The following SEPSECS variants were observed in gnomAD, a reference collection of about 807,000 sequenced individuals.
The protein encoded by SEPSECS is Sep (O-phosphoserine) tRNA:Sec (selenocysteine) tRNA synthase, also known as O-phosphoseryl-tRNA(Sec) selenium transferase.
Under a neutral mutation model 52.1 loss-of-function variants are expected in SEPSECS, and 42 were observed. The ratio of observed to expected loss-of-function variants is 0.81; its 90% CI spans 0.63 to 1.04. The LOEUF (loss-of-function observed/expected upper bound fraction) is 1.04, where lower values mean the gene tolerates loss of function less well. Ranked by LOEUF, SEPSECS falls within the 50% of genes least tolerant of loss-of-function variation. The pLI, the probability that SEPSECS is intolerant of heterozygous loss-of-function variation, is 0.00. For synonymous variants in SEPSECS, 216 were observed against 211.4 expected (o/e 1.02, Z -0.19); for missense variants, 590 against 610.6 (o/e 0.97, Z 0.36).
intron 10 of SEPSECS, chr4:25,125,473 A>T: frequency 3.6e-6 from 2 of 556,312 alleles, no homozygotes; most frequent in Non-Finnish European, 6.4e-6. Context: ...CTATGAAAAC[A>T]AACAAGATTC....
chr4:25,137,769 T>C (rs1321251908), intron 8 of SEPSECS, among the ~76,000 whole-genome samples: 3 of 152,210 alleles, frequency 2.0e-5, no homozygotes, highest in African/African-American at 7.2e-5. Context: ...TGCACATGTA[T>C]GTTCAATGCA....
At chr4:25,147,112 T>A (rs1397379012) in intron 6 of SEPSECS, among the ~76,000 whole-genome samples, 1 of 152,258 alleles carries the variant, frequency 6.6e-6, no homozygotes, top group Non-Finnish European at 1.5e-5. Flanking sequence ...GAGTCTTGGC[T>A]GTTAGCTTCT....
chr4:25,125,461 A>G (rs1282145825), intron 10 of SEPSECS: 1 of 540,100 alleles, frequency 1.9e-6, no homozygotes, highest in Non-Finnish European at 3.3e-6. Context: ...GGTTCTGTAC[A>G]TCTATGAAAA....
intron 5 of SEPSECS, among the ~76,000 whole-genome samples, chr4:25,153,437 TA>T (rs1212427896): frequency 0.013 from 1,886 of 146,100 alleles, 18 homozygotes; most frequent in Middle Eastern, 0.021. Context: ...TAGGGTGTGT[TA>T]AAAAAAAAAA....
chr4:25,124,175 C>CCTCATATA lies in SEPSECS; in HGVS notation c.1261_1262insTATATGAG (p.Gly421ValfsTer25). On this transcript the variant is annotated frameshift_variant, in exon 11 of 11. Coordinates refer to ENST00000382103, the MANE Select transcript of SEPSECS (RefSeq NM_016955.4). LOFTEE classifies it high-confidence loss of function. ...GTAATTATTTGTATGTGACATAAAG[C>CCTCATATA]CTCTGAAAGTATAGCCACTCACAGT... 1 of 1,613,586 alleles carries CCTCATATA rather than the reference C, an allele frequency of 6.2e-7. No homozygotes were observed. The highest frequency in any genetic ancestry group is 8.5e-7 in the Non-Finnish European group (1 of 1,179,690).
intron 6 of SEPSECS, among the ~76,000 whole-genome samples, chr4:25,147,498 C>T (rs1712034201): frequency 6.6e-6 from 1 of 152,198 alleles, no homozygotes; most frequent in Admixed American, 6.5e-5. Context: ...GTTGCTGCTT[C>T]CCACACTTTT....
Position 25,160,288 on chromosome 4 carries a change from G to T in SEPSECS, c.82C>A (p.His28Asn). Residue 28 changes from histidine to asparagine, a missense_variant, in exon 1 of 11, where the codon CAT becomes AAT. His to Asn is a moderately conservative substitution (Grantham distance 68, BLOSUM62 1). Coordinates refer to ENST00000382103, the MANE Select transcript of SEPSECS (RefSeq NM_016955.4). ...VRQGCEARRS[H>N]EHLIRLLLEK... ...AGAAGCAGCCGTATGAGGTGCTCAT[G>T]CGAGCGGCGGGCCTCACAGCCCTGC... 3 of 1,554,470 alleles carry T rather than the reference G, an allele frequency of 1.9e-6. No individual in the cohort carries two copies. Among genetic ancestry groups the T allele is most frequent in the Non-Finnish European group, 2.6e-6 (3 of 1,148,434 alleles).
intron 8 of SEPSECS, among the ~76,000 whole-genome samples, chr4:25,141,613 G>C (rs1415092250): frequency 6.6e-6 from 1 of 151,988 alleles, no homozygotes; most frequent in Non-Finnish European, 1.5e-5. Context: ...ACTATAGAAG[G>C]CTCCTAACAG....
chr4:25,140,554 T>G (rs2109017355), intron 8 of SEPSECS, among the ~76,000 whole-genome samples: 1 of 152,304 alleles, frequency 6.6e-6, no homozygotes, highest in South Asian at 2.1e-4. Context: ...CCTATGAAAA[T>G]GAGGATAACA....
chr4:25,156,532 C>T (rs948710333), intron 3 of SEPSECS, among the ~76,000 whole-genome samples: 13 of 151,074 alleles, frequency 8.6e-5, no homozygotes, highest in East Asian at 5.8e-4. Flanking sequence ...GTGAGACCCC[C>T]GTCTCTACTA....
At chr4:25,134,154 G>A (rs1291899737) in intron 8 of SEPSECS, among the ~76,000 whole-genome samples, 3 of 136,632 alleles carry the variant, frequency 2.2e-5, no homozygotes, top group Non-Finnish European at 3.1e-5. Context: ...AAAAAAAAGT[G>A]CATAGAATTC....
At chr4:25,125,381 G>T in intron 10 of SEPSECS, 1 of 279,664 alleles carries the variant, frequency 3.6e-6, no homozygotes, top group South Asian at 5.9e-5. Context: ...ATACCATAAT[G>T]TGACTTGCTG....
intron 8 of SEPSECS, among the ~76,000 whole-genome samples, chr4:25,128,445 AAAAACAAAAACAAAAAC>A (rs1438983752): frequency 6.6e-6 from 1 of 151,968 alleles, no homozygotes; most frequent in Non-Finnish European, 1.5e-5. Flanking sequence ...AAACAAAAAC[AAAAACAAAAACAAAAAC>A]AAAACAAAAA....
intron 2 of SEPSECS, among the ~76,000 whole-genome samples, chr4:25,157,773 C>T (rs1429136170): frequency 6.9e-6 from 1 of 144,894 alleles, no homozygotes; most frequent in African/African-American, 2.5e-5. Flanking sequence ...TGTGGATCTC[C>T]TGACCTCGTG....
intron 8 of SEPSECS, among the ~76,000 whole-genome samples, chr4:25,141,999 G>A (rs941401687): frequency 6.6e-6 from 1 of 152,162 alleles, no homozygotes; most frequent in African/African-American, 2.4e-5. Flanking sequence ...GTATTGGGCT[G>A]GGCACGGAGG....
At chr4:25,141,099 A>G (rs1711519826) in intron 8 of SEPSECS, among the ~76,000 whole-genome samples, 1 of 152,172 alleles carries the variant, frequency 6.6e-6, no homozygotes, top group African/African-American at 2.4e-5. Flanking sequence ...TGACAATACT[A>G]TGTCAGTTTA....
chr4:25,157,608 G>C (rs369662543), intron 2 of SEPSECS, among the ~76,000 whole-genome samples: 10 of 150,218 alleles, frequency 6.7e-5, no homozygotes, highest in African/African-American at 2.5e-4. Context: ...GCAGTGGCGC[G>C]ATCTCGGCTC....
At chr4:25,146,315 G>A (rs375759673) in intron 6 of SEPSECS, among the ~76,000 whole-genome samples, 14 of 152,308 alleles carry the variant, frequency 9.2e-5, no homozygotes, top group East Asian at 7.7e-4. Context: ...GGAAGCAGCC[G>A]AAGCAGGGAA....
rs1461289846 is a variant in SEPSECS at position 25,156,114 on chromosome 4, TGTC to T, written c.467_469del (p.Arg156del). Reference sequence around the variant, plus strand: ...AATATACTTTGCCTTTGGTCTTTTGTGTCGTAATGTTAAGAAACACAGAGTTAG... The same window carrying T: ...AATATACTTTGCCTTTGGTCTTTTGTGTAATGTTAAGAAACACAGAGTTAG... On this transcript the variant is annotated inframe_deletion, in exon 4 of 11. Transcript: ENST00000382103. 3 of 1,614,002 alleles carry T rather than the reference TGTC, an allele frequency of 1.9e-6. No homozygotes were observed.
Sources: gnomAD v4.1 joint callset for allele counts (sites outside exome capture counted in the v4.1 genomes callset) on GRCh38, gnomAD v4.1.1 for gene constraint, MANE v1.5 for transcripts, NCBI Gene and HGNC (gene_info 2026-07-23, HGNC 2026-07-21) for gene names.